The following BCOR variants were observed in gnomAD, a reference collection of about 807,000 sequenced individuals.
BCOR encodes the protein BCL6 corepressor.
In BCOR, 10 loss-of-function variants were observed where a neutral mutation model predicts 86.7. The observed-to-expected ratio is 0.12, with a 90% CI of 0.07 to 0.20. BCOR has a LOEUF of 0.20. Ranked by LOEUF, BCOR falls within the 10% of genes least tolerant of loss-of-function variation. BCOR has a pLI of 1.00. For missense variants in BCOR, 1,259 were observed against 1,452.1 expected (o/e 0.87, Z 2.16); for synonymous variants, 611 against 609.0 (o/e 1.00, Z -0.05).
At position 40,061,679 on chromosome X, in the gene BCOR, C is replaced by T. The variant is rs6610382; in HGVS notation, c.4428+460G>A. Among the ~76,000 whole-genome samples, 314 of 85,283 alleles carry T rather than the reference C, an allele frequency of 3.7e-3. 4 individuals are homozygous for T. The highest frequency in any genetic ancestry group is 0.029 in the Admixed American group (220 of 7,619). The allele number at this position is 85,283 out of a possible 115,157, so 74.1% of individuals were successfully genotyped here. A position where few individuals can be genotyped will look rare whatever the true frequency, so the allele number is the denominator to read the frequency against. On this transcript the variant is annotated intron_variant, in intron 10 of 14. Transcript: ENST00000378444. ...CCTTAGGTCTGCCCCACCCCCCTCC[C>T]TCTGTGACCTACACAGCTACTTCCT...
At chrX:40,078,774 C>T (rs1238158232) in intron 1 of BCOR, among the ~76,000 whole-genome samples, 3 of 111,925 alleles carry the variant, frequency 2.7e-5, no homozygotes, top group African/African-American at 3.2e-5. Context: ...CCATTTTCCA[C>T]GTTCCGGGAG....
intron 6 of BCOR, among the ~76,000 whole-genome samples, chrX:40,064,829 G>A (rs2076480534): frequency 8.9e-6 from 1 of 111,812 alleles, no homozygotes; most frequent in African/African-American, 3.3e-5. Flanking sequence ...TGAGGTGCAT[G>A]TCACACTCCT....
intron 1 of BCOR, among the ~76,000 whole-genome samples, chrX:40,078,509 G>A (rs1373265673): frequency 8.9e-6 from 1 of 111,740 alleles, no homozygotes; most frequent in Non-Finnish European, 1.9e-5. Flanking sequence ...GAATTTCCAA[G>A]GCTGTCGTGT....
chrX:40,052,713 C>T (rs766523108), intron 14 of BCOR, among the ~76,000 whole-genome samples: 203 of 109,348 alleles, frequency 1.9e-3, no homozygotes, highest in African/African-American at 6.1e-3. Flanking sequence ...TACAGGGGCC[C>T]GCCACCATGC....
At chrX:40,087,031 T>C (rs1936388541) in intron 1 of BCOR, among the ~76,000 whole-genome samples, 1 of 113,563 alleles carries the variant, frequency 8.8e-6, no homozygotes, top group Non-Finnish European at 1.9e-5. Flanking sequence ...TTACTCCTTC[T>C]GGAAGCTCGA....
intron 1 of BCOR, among the ~76,000 whole-genome samples, chrX:40,149,295 ACATCCTCT>A (rs1938123744): frequency 9.0e-6 from 1 of 111,273 alleles, no homozygotes; most frequent in Non-Finnish European, 1.9e-5. Flanking sequence ...GATTTGCATC[ACATCCTCT>A]TGTGCATGGA....
intron 7 of BCOR, 39 bp downstream of exon 7, chrX:40,064,297 C>T (rs747686961): frequency 4.1e-6 from 5 of 1,211,363 alleles, no homozygotes; most frequent in Middle Eastern, 2.4e-4. Flanking sequence ...CATGCAAAGG[C>T]CCACCCCCCG....
chrX:40,081,985 AGCTTGGG>A (rs945800232), intron 1 of BCOR, among the ~76,000 whole-genome samples: 13 of 112,335 alleles, frequency 1.2e-4, no homozygotes, highest in Non-Finnish European at 7.5e-5. Context: ...CACATAGGAG[AGCTTGGG>A]TCACCCTGGA....
upstream of BCOR, among the ~76,000 whole-genome samples, chrX:40,099,313 T>C (rs1294008701): frequency 9.0e-6 from 1 of 110,689 alleles, no homozygotes; most frequent in Non-Finnish European, 1.9e-5. Flanking sequence ...AAGCCCTAGT[T>C]GGTGAAGCTG....
rs1365870037 is a variant in BCOR, at chrX:40,066,932, C to G, written c.3239-2333G>C. ...CCCTTCCCAGAGACACCCCCCCCCC[C>G]CCATCAAATCCCCATCAGATTAAGA... On this transcript the variant is annotated intron_variant, in intron 6 of 14. Coordinates refer to ENST00000378444, the MANE Select transcript of BCOR (RefSeq NM_001123385.2). Among the ~76,000 whole-genome samples, 3 of 96,333 alleles carry G rather than the reference C, an allele frequency of 3.1e-5. 1 individual carries two copies. The East Asian group carries it at 1.1e-3, about 35-fold the overall frequency. The allele number at this position is 96,333 out of a possible 115,157, so 83.7% of individuals were successfully genotyped here.
chrX:40,081,046 TAAA>T (rs1010810235), intron 1 of BCOR, among the ~76,000 whole-genome samples: 1 of 111,351 alleles, frequency 9.0e-6, no homozygotes, highest in African/African-American at 3.3e-5. Context: ...GTGAACTGTT[TAAA>T]AGTGGAGGTC....
chrX:40,121,574 C>T (rs1331663534), intron 1 of BCOR, among the ~76,000 whole-genome samples: 1 of 113,026 alleles, frequency 8.8e-6, no homozygotes, highest in Non-Finnish European at 1.9e-5. Flanking sequence ...CTGACAAGGT[C>T]CTTATCCTAT....
intron 1 of BCOR, among the ~76,000 whole-genome samples, chrX:40,086,193 C>A (rs889889814): frequency 9.1e-6 from 1 of 109,654 alleles, no homozygotes; most frequent in South Asian, 4.1e-4. Context: ...GAAACAGTGT[C>A]GAGTGCACAG....
At chrX:40,112,636 G>A (rs773844278) in intron 1 of BCOR, among the ~76,000 whole-genome samples, 106 of 111,186 alleles carry the variant, frequency 9.5e-4, no homozygotes, top group African/African-American at 3.4e-3. Context: ...CATGTGTCTC[G>A]AACTCCTGAC....
At chrX:40,172,272 C>G (rs1485145289) in intron 1 of BCOR, among the ~76,000 whole-genome samples, 5 of 112,599 alleles carry the variant, frequency 4.4e-5, no homozygotes, top group Non-Finnish European at 7.5e-5. Flanking sequence ...CCGCCCGGTC[C>G]TCTCCTCTGA....
chrX:40,053,208 G>A (rs746652515), intron 14 of BCOR, among the ~76,000 whole-genome samples: 20 of 112,103 alleles, frequency 1.8e-4, no homozygotes, highest in African/African-American at 6.5e-4. Context: ...GAGAAGGAAG[G>A]TGTTACATTC....
chrX:40,090,600 G>A (rs1388730112), intron 1 of BCOR, among the ~76,000 whole-genome samples: 1 of 111,359 alleles, frequency 9.0e-6, no homozygotes, highest in Non-Finnish European at 1.9e-5. Flanking sequence ...TGGAGAGGGC[G>A]GCTTCCCGAA....
In BCOR at chrX:40,074,191, C is replaced by A; in HGVS notation, c.1155G>T (p.Ala385=). ...PYMTVSSEFP[A]ARLSNGKYPK... is the part of the protein sequence containing the mutation. The stretch of plus-strand genomic sequence containing the variant: ...GATACTTGCCATTGGAGAGCCTGGC[C>A]GCGGGGAACTCGCTGCTAACTGTCA... Residue 385 remains alanine (A), a synonymous_variant, in exon 4 of 15, where the codon GCG becomes GCT. Transcript: ENST00000378444. 1 of 1,212,166 alleles carries A rather than the reference C, an allele frequency of 8.2e-7. No individual in the cohort carries two copies. Among genetic ancestry groups the A allele is most frequent in the Non-Finnish European group, 1.1e-6 (1 of 895,606 alleles).
chrX:40,059,270 C>T (rs1415807536), intron 10 of BCOR, among the ~76,000 whole-genome samples: 2 of 112,328 alleles, frequency 1.8e-5, no homozygotes, highest in Non-Finnish European at 3.8e-5. Flanking sequence ...CCCACAGTGA[C>T]CTGTGAGATC....
Sources: gnomAD v4.1 joint callset for allele counts (sites outside exome capture counted in the v4.1 genomes callset) on GRCh38, gnomAD v4.1.1 for gene constraint, MANE v1.5 for transcripts, NCBI Gene and HGNC (gene_info 2026-07-23, HGNC 2026-07-21) for gene names.